The following PCDH9 variants were observed in gnomAD, a reference collection of about 807,000 sequenced individuals.
PCDH9 encodes protocadherin 9.
Under a neutral mutation model 70.6 loss-of-function variants are expected in PCDH9, and 24 were observed. That is an observed-to-expected ratio of 0.34 (90% CI 0.25 to 0.48). The LOEUF is 0.48. PCDH9 is among the 20% of genes least tolerant of loss of function. The probability of loss-of-function intolerance (pLI) is 0.99; values close to 1 mark genes in which losing one functional copy is unlikely to be tolerated. For missense variants in PCDH9, 1,281 were observed against 1,503.6 expected (o/e 0.85, Z 2.45); for synonymous variants, 562 against 558.5 (o/e 1.01, Z -0.09).
At chr13:66,448,052 G>T (rs1193825071) in intron 4 of PCDH9, among the ~76,000 whole-genome samples, 2 of 151,904 alleles carry the variant, frequency 1.3e-5, no homozygotes, top group African/African-American at 4.8e-5. Flanking sequence ...GTAATATTTG[G>T]CTGAATAGGT....
chr13:67,006,070 CA>C (rs1002686270), intron 2 of PCDH9, among the ~76,000 whole-genome samples: 1 of 152,046 alleles, frequency 6.6e-6, no homozygotes, highest in East Asian at 1.9e-4. Flanking sequence ...ATTAAATATA[CA>C]AAAAAATTAG....
Position 66,871,835 on chromosome 13 carries a change from C to T in PCDH9, c.3138+31669G>A, listed in dbSNP as rs188000187. Among the ~76,000 whole-genome samples, 23 of 152,122 alleles carry T rather than the reference C, an allele frequency of 1.5e-4. No individual in the cohort carries two copies. The South Asian group carries it at 4.1e-3, about 27-fold the overall frequency. The stretch of plus-strand genomic sequence containing the variant: ...TCTAGCCTATTTCATTACCACCCCC[C>T]CCTCAACATTTCTTATTCTCTTTGT... On this transcript the variant is annotated intron_variant, in intron 3 of 4. Coordinates refer to ENST00000377865, the MANE Select transcript of PCDH9 (RefSeq NM_203487.3).
intron 2 of PCDH9, among the ~76,000 whole-genome samples, chr13:67,075,596 T>C (rs1278650496): frequency 1.3e-5 from 2 of 152,072 alleles, no homozygotes; most frequent in African/African-American, 4.8e-5. Context: ...AATTTTACTA[T>C]CTCTTTTCAC....
At chr13:67,032,413 C>A (rs2084926652) in intron 2 of PCDH9, among the ~76,000 whole-genome samples, 1 of 152,060 alleles carries the variant, frequency 6.6e-6, no homozygotes, top group African/African-American at 2.4e-5. Flanking sequence ...ATTTGCCATC[C>A]TAGGCCTCCC....
At chr13:66,568,425 G>A (rs199562396) in intron 4 of PCDH9, among the ~76,000 whole-genome samples, 12 of 142,210 alleles carry the variant, frequency 8.4e-5, no homozygotes, top group African/African-American at 1.6e-4. Context: ...ATACACACAC[G>A]CACACGCACA....
intron 4 of PCDH9, among the ~76,000 whole-genome samples, chr13:66,382,661 T>A (rs999418058): frequency 6.6e-6 from 1 of 152,178 alleles, no homozygotes; most frequent in African/African-American, 2.4e-5. Context: ...CAGGTACAGT[T>A]TAATAGTGAG....
chr13:66,731,851 T>G (rs2139177099), intron 3 of PCDH9, among the ~76,000 whole-genome samples: 1 of 152,178 alleles, frequency 6.6e-6, no homozygotes, highest in East Asian at 1.9e-4. Flanking sequence ...TTTGTATCAC[T>G]ATTAAATAAA....
intron 4 of PCDH9, among the ~76,000 whole-genome samples, chr13:66,573,483 A>T (rs1014049640): frequency 2.0e-5 from 3 of 151,924 alleles, no homozygotes; most frequent in Non-Finnish European, 4.4e-5. Context: ...ATCCTCTCCT[A>T]TTTTTAATTT....
intron 2 of PCDH9, among the ~76,000 whole-genome samples, chr13:67,022,565 C>T (rs1386610191): frequency 6.6e-6 from 1 of 152,180 alleles, no homozygotes; most frequent in Non-Finnish European, 1.5e-5. Flanking sequence ...CTATTCAATA[C>T]TTTCACAAGT....
rs756365307 is a variant in PCDH9, at chr13:67,226,990, C to T, written c.1451G>A (p.Arg484His). The change falls in exon 2 of 5, where the codon CGT becomes CAT. Residue 484 changes from arginine (R) to histidine (H), a missense_variant. Physicochemically the swap from Arg to His is conservative, Grantham distance 29 (BLOSUM62 0). This residue lies in a region of PCDH9 where 798 missense variants were observed against 1,003.1 expected (regional missense o/e 0.80). Transcript: ENST00000377865. The surrounding 1 kb of genome is among the most constrained non-coding windows in gnomAD (Gnocchi z 5.0). ...IELSVSENNR[R>H]GLYLTTISAT... ...ACTAATAGTTGTTAAGTATAACCCA[C>T]GTCGGTTGTTTTCAGAAACTGACAG... 1.2e-5 allele frequency: 19 copies of T among 1,614,056 alleles called. No homozygotes were observed. The East Asian group carries it at 2.5e-4, about 21-fold the overall frequency.
chr13:66,477,779 A>G (rs1958761213), intron 4 of PCDH9, among the ~76,000 whole-genome samples: 1 of 152,240 alleles, frequency 6.6e-6, no homozygotes, highest in Non-Finnish European at 1.5e-5. Context: ...TAGCTTCAAG[A>G]AAAGATAAGG....
intron 3 of PCDH9, among the ~76,000 whole-genome samples, chr13:66,703,561 TG>T (rs2078674134): frequency 6.6e-6 from 1 of 152,166 alleles, no homozygotes; most frequent in African/African-American, 2.4e-5. Flanking sequence ...TTCTCAAGTT[TG>T]TCTATTCAGA....
chr13:67,228,091 A>G lies in PCDH9; in HGVS notation c.350T>C (p.Ile117Thr). 1.2e-6 allele frequency: 2 copies of G among 1,614,072 alleles called. No individual in the cohort carries two copies. The highest frequency in any genetic ancestry group is 1.7e-6 in the Non-Finnish European group (2 of 1,179,966). The change falls in exon 2 of 5, where the codon ATC (isoleucine) becomes ACC (threonine). Residue 117 changes from isoleucine to threonine, a missense_variant. Coordinates refer to ENST00000377865, the MANE Select transcript of PCDH9 (RefSeq NM_203487.3). ...NECFFELEVV[I>T]LPNDFFRLIK... ...CAGCCTGAAGAAATCATTGGGGAGG[A>G]TCACCACCTCAAGTTCAAAGAAACA...
intron 4 of PCDH9, among the ~76,000 whole-genome samples, chr13:66,610,479 C>T (rs2077280396): frequency 6.6e-6 from 1 of 152,084 alleles, no homozygotes; most frequent in Admixed American, 6.6e-5. Flanking sequence ...ATTGTGCTAG[C>T]AAGATATAAA....
intron 4 of PCDH9, among the ~76,000 whole-genome samples, chr13:66,425,333 A>G (rs900496464): frequency 1.6e-4 from 24 of 151,812 alleles, no homozygotes; most frequent in Middle Eastern, 6.8e-3. Context: ...ACCAAGCAGC[A>G]GACATACAAT....
chr13:66,564,636 G>A (rs2076625748), intron 4 of PCDH9, among the ~76,000 whole-genome samples: 1 of 139,504 alleles, frequency 7.2e-6, no homozygotes, highest in Admixed American at 7.0e-5. Context: ...AGAGTACCAC[G>A]ATTTTTCCCC....
rs12865467 is a variant in PCDH9, at chr13:67,118,251, G to A, written c.3036+107154C>T. On this transcript the variant is annotated intron_variant, in intron 2 of 4. Coordinates refer to ENST00000377865, the MANE Select transcript of PCDH9 (RefSeq NM_203487.3). ...TTAGAGTAAATGTCCTAGCTTCTTG[G>A]TACTACTAGCAGGAGTGGGATTCAA... 3.0e-3 allele frequency among the ~76,000 whole-genome samples: 455 copies of A among 152,248 alleles called. 1 individual carries two copies. Among genetic ancestry groups the A allele is most frequent in the Non-Finnish European group, 4.9e-3 (331 of 67,994 alleles).
At chr13:66,966,352 G>A (rs969341183) in intron 2 of PCDH9, among the ~76,000 whole-genome samples, 2 of 152,070 alleles carry the variant, frequency 1.3e-5, no homozygotes, top group East Asian at 3.9e-4. Context: ...AGAAACAAGC[G>A]ATGCAGTAGA....
At chr13:66,740,041 T>C (rs2079231583) in intron 3 of PCDH9, among the ~76,000 whole-genome samples, 1 of 151,418 alleles carries the variant, frequency 6.6e-6, no homozygotes. Flanking sequence ...AATATACATT[T>C]TTTCAGCACC....
Sources: allele counts gnomAD v4.1 joint callset (sites outside exome capture counted in the v4.1 genomes callset), GRCh38; gene constraint gnomAD v4.1.1; regional missense constraint gnomAD v4.1.1; non-coding constraint Gnocchi (gnomAD v3.1); transcripts MANE v1.5; gene names NCBI Gene and HGNC (gene_info 2026-07-23, HGNC 2026-07-21).